The following ALG14 variants were observed in gnomAD, a reference collection of about 807,000 sequenced individuals.
The protein encoded by ALG14 is UDP-N-acetylglucosamine transferase subunit ALG14.
In ALG14, 17 loss-of-function variants were observed where a neutral mutation model predicts 22.8. The ratio of observed to expected loss-of-function variants is 0.75; its 90% CI spans 0.51 to 1.12. The LOEUF (loss-of-function observed/expected upper bound fraction) is 1.12, where lower values mean the gene tolerates loss of function less well. ALG14 is among the 50% of genes most tolerant of loss of function. The pLI, the probability that ALG14 is intolerant of heterozygous loss-of-function variation, is 0.00. For missense variants in ALG14, 288 were observed against 271.8 expected, an observed-to-expected ratio of 1.06 and a Z score of -0.42; for synonymous variants, 89 against 103.7, an observed-to-expected ratio of 0.86 and a Z score of 0.86.
chr1:95,057,395 AAAT>A (rs1674971106), intron 2 of ALG14, among the ~76,000 whole-genome samples: 1 of 151,782 alleles, frequency 6.6e-6, no homozygotes, highest in Non-Finnish European at 1.5e-5. Context: ...ATTATTTCCT[AAAT>A]AATACAGTAT....
intron 2 of ALG14, among the ~76,000 whole-genome samples, chr1:95,035,121 T>C (rs1402346780): frequency 4.6e-5 from 7 of 152,258 alleles, no homozygotes; most frequent in Admixed American, 4.6e-4. Context: ...TCTGCTGTCC[T>C]GCTATTGCTC....
intron 3 of ALG14, among the ~76,000 whole-genome samples, chr1:95,000,554 A>AG (rs1553225293): frequency 4.7e-5 from 7 of 150,334 alleles, no homozygotes; most frequent in African/African-American, 1.7e-4. Context: ...AAAAAAAAAA[A>AG]AAAAAGAAAT....
intron 3 of ALG14, among the ~76,000 whole-genome samples, chr1:94,998,230 G>A (rs578069658): frequency 1.2e-4 from 19 of 152,278 alleles, no homozygotes; most frequent in South Asian, 2.1e-4. Context: ...CTGACGGAGC[G>A]TTTCCAGGGA....
chr1:94,993,474 A>G (rs1672828803), intron 3 of ALG14, among the ~76,000 whole-genome samples: 1 of 149,202 alleles, frequency 6.7e-6, no homozygotes, highest in Non-Finnish European at 1.5e-5. Context: ...TAATTTATAT[A>G]TATTTATACA....
intron 2 of ALG14, among the ~76,000 whole-genome samples, chr1:95,046,543 G>C (rs971432395): frequency 6.6e-6 from 1 of 152,224 alleles, no homozygotes; most frequent in Non-Finnish European, 1.5e-5. Flanking sequence ...TGCCAAAAAG[G>C]TTGAGGACTG....
chr1:95,009,534 T>G (rs981360417), intron 3 of ALG14, among the ~76,000 whole-genome samples: 5 of 152,138 alleles, frequency 3.3e-5, no homozygotes, highest in Non-Finnish European at 5.9e-5. Flanking sequence ...AATACACTCT[T>G]ATAAAACCCA....
chr1:94,988,117 G>T (rs1432236087), intron 3 of ALG14, among the ~76,000 whole-genome samples: 1 of 152,162 alleles, frequency 6.6e-6, no homozygotes, highest in African/African-American at 2.4e-5. Context: ...CTACCTGGAG[G>T]TCAAGGGTTC....
At chr1:95,004,049 T>C (rs1673139647) in intron 3 of ALG14, among the ~76,000 whole-genome samples, 1 of 152,032 alleles carries the variant, frequency 6.6e-6, no homozygotes, top group Non-Finnish European at 1.5e-5. Flanking sequence ...CTTGTAAGCA[T>C]TGTATTCAAT....
chr1:95,031,048 G>C (rs1673985385), intron 2 of ALG14, among the ~76,000 whole-genome samples: 1 of 152,112 alleles, frequency 6.6e-6, no homozygotes, highest in Non-Finnish European at 1.5e-5. Context: ...AGCTGGGAGG[G>C]GAGTCTTGGT....
chr1:95,066,326 C>T (rs571946524), intron 1 of ALG14, among the ~76,000 whole-genome samples: 13 of 152,138 alleles, frequency 8.5e-5, no homozygotes, highest in African/African-American at 2.4e-4. Flanking sequence ...CAGGTTCAGG[C>T]GACTCTCCTG....
At chr1:95,044,908 C>T (rs1674498143) in intron 2 of ALG14, among the ~76,000 whole-genome samples, 1 of 151,998 alleles carries the variant, frequency 6.6e-6, no homozygotes, top group African/African-American at 2.4e-5. Flanking sequence ...ATTCTGACAC[C>T]TACTGCATTA....
intron 3 of ALG14, among the ~76,000 whole-genome samples, chr1:94,994,420 TTCCTTCAGCTTGAGGAGTAAGGG>T (rs1252804485): frequency 1.3e-5 from 2 of 152,224 alleles, no homozygotes; most frequent in African/African-American, 4.8e-5. Flanking sequence ...GTCAATCCCT[TTCCTTCAGCTTGAGGAGTAAGGG>T]AAACACACTG....
At chr1:95,055,137 AAAG>A (rs1674883946) in intron 2 of ALG14, among the ~76,000 whole-genome samples, 1 of 152,240 alleles carries the variant, frequency 6.6e-6, no homozygotes, top group Non-Finnish European at 1.5e-5. Context: ...TTAAAATCAG[AAAG>A]AATACAAGGA....
Position 94,982,902 on chromosome 1 carries a change from TA to T in ALG14, c.*173del. 1 of 607,316 alleles carries T rather than the reference TA, an allele frequency of 1.6e-6. No individual in the cohort carries two copies. Among genetic ancestry groups the T allele is most frequent in the Non-Finnish European group, 2.9e-6 (1 of 347,180 alleles). The allele number at this position is 607,316 out of a possible 1,614,324, so 37.6% of individuals were successfully genotyped here. A position where few individuals can be genotyped will look rare whatever the true frequency, so the allele number is the denominator to read the frequency against. ...GTTACGTTTATCAATGTTTGTTTCA[TA>T]AGAGAAGCCTCAGTTTCTTCACTGA... On this transcript the variant is annotated 3_prime_UTR_variant, in exon 4 of 4. Transcript: ENST00000370205.
At chr1:95,025,171 T>G (rs1673775446) in intron 3 of ALG14, among the ~76,000 whole-genome samples, 2 of 152,180 alleles carry the variant, frequency 1.3e-5, no homozygotes, top group Non-Finnish European at 2.9e-5. Flanking sequence ...TCAGAGCTCT[T>G]GGGTAATTAG....
intron 2 of ALG14, among the ~76,000 whole-genome samples, chr1:95,041,847 C>T (rs1674391385): frequency 6.6e-6 from 1 of 152,040 alleles, no homozygotes. Context: ...CCTGCAACCA[C>T]CAAACTGCCA....
chr1:95,063,398 T>C (rs1675237406), intron 2 of ALG14, among the ~76,000 whole-genome samples: 1 of 152,216 alleles, frequency 6.6e-6, no homozygotes, highest in African/African-American at 2.4e-5. Flanking sequence ...ACTGCTTAGA[T>C]TTTCTTCTAG....
chr1:95,048,088 T>C (rs907989196), intron 2 of ALG14, among the ~76,000 whole-genome samples: 2 of 152,196 alleles, frequency 1.3e-5, no homozygotes, highest in Admixed American at 1.3e-4. Context: ...GCATATTCAA[T>C]AAAGATTTGC....
chr1:95,000,187 A>T (rs1279738313), intron 3 of ALG14, among the ~76,000 whole-genome samples: 1 of 152,114 alleles, frequency 6.6e-6, no homozygotes, highest in Non-Finnish European at 1.5e-5. Flanking sequence ...GGTAATAGAG[A>T]AGCTGCATAA....
Sources: allele counts gnomAD v4.1 joint callset (sites outside exome capture counted in the v4.1 genomes callset), GRCh38; gene constraint gnomAD v4.1.1; transcripts MANE v1.5; gene names NCBI Gene and HGNC (gene_info 2026-07-23, HGNC 2026-07-21).